The following CSMD1 variants were observed in gnomAD, a reference collection of about 807,000 sequenced individuals.
The protein encoded by CSMD1 is CUB and Sushi multiple domains 1.
A neutral mutation model predicts 417.5 loss-of-function variants in CSMD1; 213 were observed. That is an observed-to-expected ratio of 0.51 (90% CI 0.46 to 0.57). CSMD1 has a LOEUF of 0.57. CSMD1 is among the 20% of genes least tolerant of loss of function. The probability of loss-of-function intolerance (pLI) is 0.00; values close to 1 mark genes in which losing one functional copy is unlikely to be tolerated. For synonymous variants in CSMD1, 2,862 were observed against 1,736.8 expected (o/e 1.65, Z -16.11); for missense variants, 6,923 against 4,529.7 (o/e 1.53, Z -15.17).
At chr8:3,559,359 A>G (rs1799368122) in intron 10 of CSMD1, among the ~76,000 whole-genome samples, 1 of 152,218 alleles carries the variant, frequency 6.6e-6, no homozygotes, top group Admixed American at 6.5e-5. Flanking sequence ...GGTTTAAAGG[A>G]GTAAGCTGAT....
At chr8:3,778,659 C>G (rs1042935083) in intron 5 of CSMD1, among the ~76,000 whole-genome samples, 1 of 152,216 alleles carries the variant, frequency 6.6e-6, no homozygotes, top group Admixed American at 6.5e-5. Flanking sequence ...CAGGTTGTTT[C>G]TGGACCAGAG....
chr8:2,994,007 A>T (rs2128950154), intron 54 of CSMD1, among the ~76,000 whole-genome samples: 1 of 151,354 alleles, frequency 6.6e-6, no homozygotes, highest in African/African-American at 2.4e-5. Flanking sequence ...AAAAAAAATT[A>T]GCTGGACATA....
intron 38 of CSMD1, among the ~76,000 whole-genome samples, chr8:3,158,721 A>G (rs574862150): frequency 9.2e-5 from 14 of 151,992 alleles, no homozygotes; most frequent in African/African-American, 3.1e-4. Flanking sequence ...GAGGTGATCC[A>G]TGAGACCTCT....
At chr8:3,115,920 G>C (rs769444735) in intron 42 of CSMD1, among the ~76,000 whole-genome samples, 2 of 152,074 alleles carry the variant, frequency 1.3e-5, no homozygotes, top group Non-Finnish European at 2.9e-5. Context: ...CAGTACACTT[G>C]ACCTATATAG....
intron 5 of CSMD1, among the ~76,000 whole-genome samples, chr8:3,950,217 C>T (rs1416489735): frequency 6.6e-6 from 1 of 152,144 alleles, no homozygotes; most frequent in Non-Finnish European, 1.5e-5. Flanking sequence ...TGTGAAGTTT[C>T]TCATCATGCA....
intron 1 of CSMD1, among the ~76,000 whole-genome samples, chr8:4,821,577 G>A (rs1799526641): frequency 6.6e-6 from 1 of 152,034 alleles, no homozygotes; most frequent in African/African-American, 2.4e-5. Flanking sequence ...CTAGTAATCA[G>A]GGCTCTTCCT....
intron 2 of CSMD1, among the ~76,000 whole-genome samples, chr8:4,631,909 T>C (rs1409291585): frequency 6.6e-6 from 1 of 152,208 alleles, no homozygotes; most frequent in Non-Finnish European, 1.5e-5. Flanking sequence ...CCTGATTTTC[T>C]ATATTGAGTG....
intron 6 of CSMD1, among the ~76,000 whole-genome samples, chr8:3,721,892 G>A (rs143374206): frequency 8.5e-4 from 129 of 152,250 alleles, no homozygotes; most frequent in African/African-American, 3.0e-3. Context: ...CCGTTAAGTA[G>A]CTGACTGTCC....
At position 3,785,954 on chromosome 8, in the gene CSMD1, G is replaced by A. The variant is rs535451256; in HGVS notation, c.819-31912C>T. Among the ~76,000 whole-genome samples, 27 of 152,308 alleles carry A rather than the reference G, an allele frequency of 1.8e-4. No homozygotes were observed. In the South Asian group the frequency reaches 5.6e-3, roughly 32 times the overall value. On this transcript the variant is annotated intron_variant, in intron 5 of 69. Coordinates refer to ENST00000635120, the MANE Select transcript of CSMD1 (RefSeq NM_033225.6). ...GAGGAAATGGAAGGCAGACAATTGG[G>A]TTAGAAGCTCTGCAGTTTTCCCCAG...
At chr8:3,907,679 C>G (rs998193078) in intron 5 of CSMD1, among the ~76,000 whole-genome samples, 2 of 152,140 alleles carry the variant, frequency 1.3e-5, no homozygotes, top group Non-Finnish European at 1.5e-5. Flanking sequence ...AGGCAGAGAT[C>G]CTGAGAGCAA....
Position 4,578,320 on chromosome 8 carries a change from G to T in CSMD1, c.302+59022C>A, listed in dbSNP as rs553383659. ...AGCTGGGATTACAGGCACCTGCCAC[G>T]ACACCCGGCTCATTTTTTTTTTTTT... On this transcript the variant is annotated intron_variant, in intron 2 of 69. Transcript: ENST00000635120. Among the ~76,000 whole-genome samples, 196 of 111,486 alleles carry T rather than the reference G, an allele frequency of 1.8e-3. 1 individual carries two copies. Among genetic ancestry groups the T allele is most frequent in the African/African-American group, 7.5e-3 (189 of 25,248 alleles). The allele number at this position is 111,486 out of a possible 152,430, so 73.1% of individuals were successfully genotyped here.
At chr8:4,733,365 C>G (rs1310427438) in intron 1 of CSMD1, among the ~76,000 whole-genome samples, 2 of 152,256 alleles carry the variant, frequency 1.3e-5, no homozygotes, top group South Asian at 2.1e-4. Flanking sequence ...AGCCTTTTAC[C>G]CTAGCAGGTT....
chr8:4,457,443 A>C (rs370250113), intron 2 of CSMD1, among the ~76,000 whole-genome samples: 7 of 152,060 alleles, frequency 4.6e-5, no homozygotes, highest in Non-Finnish European at 8.8e-5. Flanking sequence ...AAACAAACAT[A>C]ATGCATTGAA....
At chr8:4,152,325 A>G (rs1044918581) in intron 3 of CSMD1, among the ~76,000 whole-genome samples, 2 of 152,252 alleles carry the variant, frequency 1.3e-5, no homozygotes, top group South Asian at 4.1e-4. Context: ...TTTGAATTGA[A>G]TATTTACAGA....
intron 5 of CSMD1, among the ~76,000 whole-genome samples, chr8:3,990,395 A>T (rs1477811590): frequency 6.6e-6 from 1 of 152,174 alleles, no homozygotes; most frequent in Non-Finnish European, 1.5e-5. Flanking sequence ...AATGGTAAGG[A>T]TGGAGACGGG....
At chr8:3,431,526 G>A (rs565972176) in intron 12 of CSMD1, among the ~76,000 whole-genome samples, 1 of 152,132 alleles carries the variant, frequency 6.6e-6, no homozygotes, top group African/African-American at 2.4e-5. Context: ...CTTTTTTCCA[G>A]TAGTGCATGC....
chr8:3,446,059 G>A lies in CSMD1; in HGVS notation c.1561+22653C>T, dbSNP rs561115474. The stretch of plus-strand genomic sequence containing the variant: ...ATAATTACATTTTTGACAAGAAGGT[G>A]AACAGTCTGGAAAGATAACAGTAAA... On this transcript the variant is annotated intron_variant, in intron 12 of 69. Coordinates refer to ENST00000635120, the MANE Select transcript of CSMD1 (RefSeq NM_033225.6). Among the ~76,000 whole-genome samples, 8 of 152,234 alleles carry A rather than the reference G, an allele frequency of 5.3e-5. No homozygotes were observed. The East Asian group carries it at 1.4e-3, about 26-fold the overall frequency.
chr8:4,098,913 A>G (rs367723318), intron 3 of CSMD1, among the ~76,000 whole-genome samples: 2 of 152,206 alleles, frequency 1.3e-5, no homozygotes, highest in East Asian at 1.9e-4. Flanking sequence ...TAGAACCAGT[A>G]TTAGAGACTG....
rs114012225 is a variant in CSMD1 at position 4,159,367 on chromosome 8, G to C, written c.416-127268C>G. On this transcript the variant is annotated intron_variant, in intron 3 of 69. Transcript: ENST00000635120. ...AGGAAATATTTTTATTTGTGATTCA[G>C]TAATCCCACTATGTGATATCTACCG... Among the ~76,000 whole-genome samples the C allele has an allele frequency of 3.1e-3, 473 of 152,240 alleles. 3 individuals carry two copies. Among genetic ancestry groups the C allele is most frequent in the Middle Eastern group, 0.014 (4 of 294 alleles).
Sources: allele counts gnomAD v4.1 joint callset (sites outside exome capture counted in the v4.1 genomes callset), GRCh38; gene constraint gnomAD v4.1.1; transcripts MANE v1.5; gene names NCBI Gene and HGNC (gene_info 2026-07-23, HGNC 2026-07-21).